Variants in SLC15A1 observed in about 807,000 individuals in gnomAD.
The protein encoded by SLC15A1 is solute carrier family 15 member 1, also known as Caco-2 oligopeptide transporter.
In SLC15A1, 83 loss-of-function variants were observed where a neutral mutation model predicts 92.9. That is an observed-to-expected ratio of 0.89 (90% CI 0.75 to 1.07). The LOEUF is 1.07. Among genes scored for constraint, SLC15A1 ranks in the 50% least tolerant of loss-of-function variants. SLC15A1 has a pLI of 0.00. For synonymous variants in SLC15A1, 322 were observed against 318.2 expected (o/e 1.01, Z -0.13); for missense variants, 857 against 880.1 (o/e 0.97, Z 0.33).
intron 1 of SLC15A1, among the ~76,000 whole-genome samples, chr13:98,730,024 G>A (rs188235595): frequency 3.3e-5 from 5 of 151,974 alleles, no homozygotes; most frequent in Admixed American, 1.3e-4. Context: ...GGCCAACATG[G>A]TGAAACCCTG....
rs1221865378 is a variant in SLC15A1, at chr13:98,708,743, G to A, written c.1092C>T (p.Gly364=). The A allele has an allele frequency of 6.2e-7, 1 of 1,611,998 alleles. No individual in the cohort carries two copies. Among genetic ancestry groups the A allele is most frequent in the African/African-American group, 1.3e-5 (1 of 74,798 alleles). ...CAAAGGCCATGGAGGCCAGGACCATGCCAACTGCCATCTTCTTCAAGGAGC... is the reference window on the plus strand; with the variant it reads ...CAAAGGCCATGGAGGCCAGGACCATACCAACTGCCATCTTCTTCAAGGAGC... The part of the protein sequence containing the change: ...NFTSLKKMAV[G]MVLASMAFVV... Residue 364 remains glycine (G), a synonymous_variant, in exon 15 of 23, where the codon GGC becomes GGT. Transcript: ENST00000376503.
chr13:98,710,788 A>G (rs1282252264), intron 11 of SLC15A1, among the ~76,000 whole-genome samples: 1 of 142,192 alleles, frequency 7.0e-6, no homozygotes, highest in Non-Finnish European at 1.5e-5. Flanking sequence ...AGCTTGGGCA[A>G]CAGAGTGAGA....
intron 1 of SLC15A1, among the ~76,000 whole-genome samples, chr13:98,738,005 C>G (rs1157423238): frequency 6.6e-6 from 1 of 152,158 alleles, no homozygotes; most frequent in African/African-American, 2.4e-5. Flanking sequence ...TATGTCTTAG[C>G]AAAGAACTTG....
chr13:98,748,935 C>T (rs548492975), intron 1 of SLC15A1, among the ~76,000 whole-genome samples: 6 of 152,356 alleles, frequency 3.9e-5, no homozygotes, highest in South Asian at 2.1e-4. Context: ...ACTGCTGGAA[C>T]AAGCCCTCAC....
intron 1 of SLC15A1, 144 bp downstream of exon 1, chr13:98,752,451 C>G: frequency 1.3e-6 from 1 of 779,812 alleles, no homozygotes; most frequent in African/African-American, 1.8e-5. Flanking sequence ...GGGCGCCCCG[C>G]AACCTCCCGG....
At chr13:98,723,773 A>G in intron 5 of SLC15A1, 139 bp downstream of exon 5, 4 of 1,157,004 alleles carry the variant, frequency 3.5e-6, no homozygotes, top group Non-Finnish European at 4.8e-6. Flanking sequence ...TCTATTTGAC[A>G]GCCTTCTCCA....
Position 98,711,937 on chromosome 13 carries a change from G to A in SLC15A1, c.817C>T (p.Leu273Phe). Residue 273 changes from leucine (L) to phenylalanine (F), a missense_variant, in exon 11 of 23, where the codon CTC becomes TTC. Coordinates refer to ENST00000376503, the MANE Select transcript of SLC15A1 (RefSeq NM_005073.4). ...GTAACCATCTTAATTTGGGAGATGA[G>A]CCGCTCCTGTAGTTGGAGTGGGGAA... ...DWAKEKYDER[L>F]ISQIKMVTRV... The A allele has an allele frequency of 6.2e-7, 1 of 1,611,872 alleles. No individual in the cohort carries two copies. Among genetic ancestry groups the A allele is most frequent in the Non-Finnish European group, 8.5e-7 (1 of 1,179,470 alleles).
chr13:98,733,529 C>G (rs2088366203), intron 1 of SLC15A1, among the ~76,000 whole-genome samples: 1 of 152,236 alleles, frequency 6.6e-6, no homozygotes, highest in African/African-American at 2.4e-5. Flanking sequence ...TTTCCTAAGC[C>G]AAGGGTAAAG....
Position 98,700,259 on chromosome 13 carries a change from G to A in SLC15A1, c.1466+2221C>T, listed in dbSNP as rs140115882. Among the ~76,000 whole-genome samples, 157 of 152,100 alleles carry A rather than the reference G, an allele frequency of 1.0e-3. 1 individual carries two copies. The highest frequency in any genetic ancestry group is 3.7e-3 in the African/African-American group (152 of 41,518). ...CCCAGCAATTCGGGAGTCTGGGGTG[G>A]GAGGATTGCTTCAGCTCAGGAGTTT... On this transcript the variant is annotated intron_variant, in intron 18 of 22. Coordinates refer to ENST00000376503, the MANE Select transcript of SLC15A1 (RefSeq NM_005073.4).
chr13:98,695,431 C>T (rs111749839), intron 18 of SLC15A1, among the ~76,000 whole-genome samples: 3,051 of 152,198 alleles, frequency 0.02, 46 homozygotes, highest in Middle Eastern at 0.051. Flanking sequence ...CCCACTCTGT[C>T]GCCCAGGCTG....
chr13:98,734,594 G>C (rs573553796), intron 1 of SLC15A1, among the ~76,000 whole-genome samples: 1 of 152,068 alleles, frequency 6.6e-6, no homozygotes, highest in African/African-American at 2.4e-5. Flanking sequence ...CTTTTCCAAC[G>C]GTCTTAGCAA....
intron 1 of SLC15A1, among the ~76,000 whole-genome samples, 154 bp downstream of exon 1, chr13:98,752,441 G>A (rs915734669): frequency 2.0e-5 from 3 of 151,986 alleles, no homozygotes; most frequent in Non-Finnish European, 4.4e-5. Context: ...AGGGGATCCC[G>A]GGCGCCCCGC....
At chr13:98,738,965 G>A (rs996684540) in intron 1 of SLC15A1, among the ~76,000 whole-genome samples, 1 of 152,244 alleles carries the variant, frequency 6.6e-6, no homozygotes, top group Non-Finnish European at 1.5e-5. Context: ...AGCCACAGGG[G>A]CAGAGCTGCC....
chr13:98,696,440 AC>A (rs942984000), intron 18 of SLC15A1, among the ~76,000 whole-genome samples: 3 of 151,736 alleles, frequency 2.0e-5, no homozygotes, highest in African/African-American at 7.3e-5. Context: ...ACAAAAAAAA[AC>A]CCAACAACAA....
intron 10 of SLC15A1, 134 bp from the exon 11 acceptor site, chr13:98,712,077 A>G (rs2088168231): frequency 4.6e-6 from 3 of 648,436 alleles, no homozygotes; most frequent in South Asian, 1.9e-5. Flanking sequence ...TGATTAATCC[A>G]AAACATACTG....
At chr13:98,748,739 G>A (rs1213156387) in intron 1 of SLC15A1, among the ~76,000 whole-genome samples, 1 of 152,176 alleles carries the variant, frequency 6.6e-6, no homozygotes, top group African/African-American at 2.4e-5. Context: ...TAATTTTAGG[G>A]CACAGTGGCA....
intron 1 of SLC15A1, among the ~76,000 whole-genome samples, chr13:98,748,697 G>C (rs1023520982): frequency 2.2e-4 from 34 of 152,128 alleles, no homozygotes; most frequent in African/African-American, 8.2e-4. Context: ...GGACAAGCCA[G>C]GGCCCAGACT....
chr13:98,715,933 T>C lies in SLC15A1; in HGVS notation c.668A>G (p.Tyr223Cys). 6.2e-7 allele frequency: 1 copy of C among 1,614,132 alleles called. No homozygotes were observed. The highest frequency in any genetic ancestry group is 8.5e-7 in the Non-Finnish European group (1 of 1,180,012). ...GTTGCCCTGTGGCTTGAACTTCTTG[T>C]ACATCCCACTGCCAAGGACAAACAC... ...LIVFVLGSGM[Y>C]KKFKPQGNIM... The change falls in exon 9 of 23, where the codon TAC (tyrosine) becomes TGC (cysteine). Residue 223 changes from tyrosine (Y) to cysteine (C), a missense_variant. By Grantham distance (194) the Tyr-to-Cys change is radical. Coordinates refer to ENST00000376503, the MANE Select transcript of SLC15A1 (RefSeq NM_005073.4).
At chr13:98,714,653 C>CAAAA (rs11378347) in intron 9 of SLC15A1, among the ~76,000 whole-genome samples, 15 of 94,284 alleles carry the variant, frequency 1.6e-4, no homozygotes, top group South Asian at 8.5e-4. Flanking sequence ...GACTCCATCT[C>CAAAA]AAAAAAAAAA....
Sources: gnomAD v4.1 joint callset for allele counts (sites outside exome capture counted in the v4.1 genomes callset) on GRCh38, gnomAD v4.1.1 for gene constraint, MANE v1.5 for transcripts, NCBI Gene and HGNC (gene_info 2026-07-23, HGNC 2026-07-21) for gene names.